The following FHIT variants were observed in gnomAD, a reference collection of about 807,000 sequenced individuals.
The protein encoded by FHIT is fragile histidine triad diadenosine triphosphatase.
Under a neutral mutation model 17.9 loss-of-function variants are expected in FHIT, and 19 were observed. That is an observed-to-expected ratio of 1.06 (90% CI 0.74 to 1.56). The LOEUF is 1.56. Ranked by LOEUF, FHIT falls within the 40% of genes most tolerant of loss-of-function variation. The pLI is 0.00. For synonymous variants in FHIT, 81 were observed against 69.7 expected, an observed-to-expected ratio of 1.16 and a Z score of -0.81; for missense variants, 248 against 189.2, an observed-to-expected ratio of 1.31 and a Z score of -1.82.
intron 5 of FHIT, among the ~76,000 whole-genome samples, chr3:60,457,021 A>T (rs1433585909): frequency 1.3e-5 from 2 of 152,206 alleles, no homozygotes; most frequent in East Asian, 1.9e-4. Context: ...TAATTTATAG[A>T]TTCAATGCCA....
chr3:60,324,132 C>T (rs1709563431), intron 5 of FHIT, among the ~76,000 whole-genome samples: 2 of 152,080 alleles, frequency 1.3e-5, no homozygotes, highest in Non-Finnish European at 2.9e-5. Context: ...AAACTCAGTA[C>T]TTAGAAGTAT....
intron 5 of FHIT, among the ~76,000 whole-genome samples, chr3:60,497,431 T>C (rs1216712072): frequency 1.3e-5 from 2 of 152,224 alleles, no homozygotes. Flanking sequence ...AGTTCAAAAA[T>C]ATAAAAATCA....
intron 8 of FHIT, among the ~76,000 whole-genome samples, chr3:59,913,188 T>C (rs908171500): frequency 2.0e-5 from 3 of 152,134 alleles, no homozygotes; most frequent in Non-Finnish European, 4.4e-5. Flanking sequence ...GGAAATCCAG[T>C]GTGTGTGTTG....
intron 4 of FHIT, among the ~76,000 whole-genome samples, chr3:60,743,848 G>GT (rs1297120131): frequency 6.6e-5 from 10 of 152,152 alleles, no homozygotes; most frequent in Admixed American, 2.6e-4. Flanking sequence ...CTTTCACGGG[G>GT]TTTTTTTGTC....
intron 3 of FHIT, among the ~76,000 whole-genome samples, chr3:60,862,242 G>A (rs1162914182): frequency 1.3e-5 from 2 of 152,120 alleles, no homozygotes; most frequent in African/African-American, 4.8e-5. Flanking sequence ...GCGGCAGTGA[G>A]ATCATAGTTC....
At chr3:60,841,113 T>G (rs1702713328) in intron 3 of FHIT, among the ~76,000 whole-genome samples, 1 of 152,320 alleles carries the variant, frequency 6.6e-6, no homozygotes, top group East Asian at 1.9e-4. Context: ...TCATCTGTAT[T>G]TACCACATAG....
chr3:60,263,495 T>C (rs1000021692), intron 5 of FHIT, among the ~76,000 whole-genome samples: 4 of 152,044 alleles, frequency 2.6e-5, no homozygotes, highest in Non-Finnish European at 4.4e-5. Flanking sequence ...GCAACAATAC[T>C]ACTCAGCAAT....
chr3:60,595,596 T>A (rs1455057488), intron 4 of FHIT, among the ~76,000 whole-genome samples: 2 of 150,056 alleles, frequency 1.3e-5, no homozygotes, highest in Non-Finnish European at 3.0e-5. Flanking sequence ...CGTATGTGTA[T>A]ATACGTGTAG....
chr3:61,178,422 A>G (rs1343754393), intron 2 of FHIT, among the ~76,000 whole-genome samples: 2 of 151,220 alleles, frequency 1.3e-5, no homozygotes, highest in Non-Finnish European at 2.9e-5. Context: ...GGTGGTGGGC[A>G]TTGGGGATAA....
At chr3:60,245,193 C>T (rs1301640573) in intron 5 of FHIT, among the ~76,000 whole-genome samples, 2 of 151,988 alleles carry the variant, frequency 1.3e-5, no homozygotes, top group African/African-American at 4.8e-5. Context: ...TAAATCAGTA[C>T]TGAAACATAC....
intron 4 of FHIT, among the ~76,000 whole-genome samples, chr3:60,606,040 T>G (rs1553671123): frequency 1.3e-5 from 2 of 152,148 alleles, no homozygotes; most frequent in Non-Finnish European, 2.9e-5. Context: ...CTGACTACTT[T>G]TAAGGATGCT....
Position 59,922,485 on chromosome 3 carries a change from C to G in FHIT, c.280-71G>C, listed in dbSNP as rs753131073. 23 of 1,271,786 alleles carry G rather than the reference C, an allele frequency of 1.8e-5. No individual in the cohort carries two copies. The East Asian group carries it at 4.4e-4, about 24-fold the overall frequency. 78.8% of individuals were successfully genotyped at this position (1,271,786 alleles called of 1,614,324 possible). ...TATTTTTAGACTTGACAGTGATGCT[C>G]TCATGAAGCCCAATTACTCCACGAT... On this transcript the variant is annotated intron_variant, in intron 7 of 9. Transcript: ENST00000492590.
chr3:60,491,706 G>A (rs2034075634), intron 5 of FHIT, among the ~76,000 whole-genome samples: 1 of 152,150 alleles, frequency 6.6e-6, no homozygotes, highest in South Asian at 2.1e-4. Flanking sequence ...TTTAGCCATG[G>A]ATTTAAACGC....
chr3:60,017,405 C>T (rs765315390), intron 5 of FHIT, among the ~76,000 whole-genome samples: 9 of 152,180 alleles, frequency 5.9e-5, no homozygotes, highest in East Asian at 1.9e-4. Context: ...GGATACAAAG[C>T]TGGCATTTTG....
At chr3:61,169,106 G>A (rs553187531) in intron 2 of FHIT, among the ~76,000 whole-genome samples, 5 of 152,136 alleles carry the variant, frequency 3.3e-5, no homozygotes, top group African/African-American at 9.6e-5. Context: ...ACATTTCAAC[G>A]AAAACCTACA....
chr3:60,585,756 C>T (rs1408402030), intron 4 of FHIT, among the ~76,000 whole-genome samples: 1 of 151,970 alleles, frequency 6.6e-6, no homozygotes, highest in Non-Finnish European at 1.5e-5. Context: ...GAATCAATTA[C>T]CTAGGACCCT....
At chr3:60,194,300 G>T (rs1000626088) in intron 5 of FHIT, among the ~76,000 whole-genome samples, 4 of 152,102 alleles carry the variant, frequency 2.6e-5, no homozygotes, top group African/African-American at 9.7e-5. Context: ...AGGACCAAGT[G>T]ATCTGAAACA....
chr3:61,103,742 A>G (rs538108494), intron 2 of FHIT, among the ~76,000 whole-genome samples: 1 of 152,198 alleles, frequency 6.6e-6, no homozygotes, highest in East Asian at 1.9e-4. Context: ...GTGCTCCTGT[A>G]TTGGGTGCAT....
At chr3:59,896,158 G>C (rs2107044612) in intron 8 of FHIT, among the ~76,000 whole-genome samples, 1 of 152,290 alleles carries the variant, frequency 6.6e-6, no homozygotes, top group Non-Finnish European at 1.5e-5. Context: ...TCCCAGACTG[G>C]AGTGTCAGCT....
Sources: allele counts gnomAD v4.1 joint callset (sites outside exome capture counted in the v4.1 genomes callset), GRCh38; gene constraint gnomAD v4.1.1; transcripts MANE v1.5; gene names NCBI Gene and HGNC (gene_info 2026-07-23, HGNC 2026-07-21).